Variants in CEP112 observed in about 807,000 individuals in gnomAD.
CEP112 encodes centrosomal protein of 112 kDa.
CEP112 carries 127 observed loss-of-function variants against 153.0 expected under a neutral mutation model. That is an observed-to-expected ratio of 0.83 (90% confidence interval 0.72 to 0.96). The LOEUF is 0.96. Among genes scored for constraint, CEP112 ranks in the 40% least tolerant of loss-of-function variants. The probability of loss-of-function intolerance (pLI) is 0.00; values close to 1 mark genes in which losing one functional copy is unlikely to be tolerated. For synonymous variants in CEP112, 358 were observed against 374.4 expected (o/e 0.96, Z 0.51); for missense variants, 1,089 against 1,101.2 (o/e 0.99, Z 0.16).
At chr17:65,846,303 A>G (rs2057722362) in intron 21 of CEP112, among the ~76,000 whole-genome samples, 1 of 152,252 alleles carries the variant, frequency 6.6e-6, no homozygotes, top group African/African-American at 2.4e-5. Flanking sequence ...GTAAAAACTC[A>G]AATTTTAAAA....
intron 6 of CEP112, among the ~76,000 whole-genome samples, chr17:66,105,047 C>G (rs1119411): frequency 1 from 152,076 of 152,328 alleles, 75,913 homozygotes; most frequent in Middle Eastern, 1. Context: ...GAAGTAGAAA[C>G]ACTAAAAGAT....
At chr17:65,778,940 T>C (rs2053844314) in intron 21 of CEP112, among the ~76,000 whole-genome samples, 1 of 152,000 alleles carries the variant, frequency 6.6e-6, no homozygotes, top group African/African-American at 2.4e-5. Flanking sequence ...GTGGAGCCTA[T>C]AGTGAGCTAT....
At chr17:66,062,427 T>C (rs2066959825) in intron 11 of CEP112, among the ~76,000 whole-genome samples, 1 of 152,138 alleles carries the variant, frequency 6.6e-6, no homozygotes. Context: ...AAAGAACTGA[T>C]AAATGTTTGA....
At chr17:66,058,236 C>G (rs1254113737) in intron 11 of CEP112, among the ~76,000 whole-genome samples, 1 of 152,042 alleles carries the variant, frequency 6.6e-6, no homozygotes, top group Non-Finnish European at 1.5e-5. Flanking sequence ...CTTCAAATAC[C>G]TGACAATTTA....
At chr17:65,957,861 C>G (rs1250651059) in intron 18 of CEP112, among the ~76,000 whole-genome samples, 1 of 152,012 alleles carries the variant, frequency 6.6e-6, no homozygotes, top group Admixed American at 6.5e-5. Flanking sequence ...ACCTACATTT[C>G]CCTAATTTTA....
intron 21 of CEP112, among the ~76,000 whole-genome samples, chr17:65,801,093 T>A (rs2055244302): frequency 6.6e-6 from 1 of 152,212 alleles, no homozygotes; most frequent in African/African-American, 2.4e-5. Context: ...TTCTTTTTTT[T>A]GTCACTCTGT....
intron 21 of CEP112, among the ~76,000 whole-genome samples, chr17:65,803,715 G>A (rs558206031): frequency 3.9e-5 from 6 of 152,210 alleles, no homozygotes; most frequent in South Asian, 4.1e-4. Context: ...GATCATCCAC[G>A]TTAGAAGTTT....
At chr17:66,076,318 C>A (rs1228574785) in intron 8 of CEP112, among the ~76,000 whole-genome samples, 1 of 152,102 alleles carries the variant, frequency 6.6e-6, no homozygotes, top group East Asian at 1.9e-4. Context: ...GGCAAGTTCT[C>A]CAGCCCTGCT....
chr17:65,883,818 C>T (rs956824810), intron 20 of CEP112, among the ~76,000 whole-genome samples: 1 of 152,018 alleles, frequency 6.6e-6, no homozygotes, highest in South Asian at 2.1e-4. Context: ...TACATAGAGG[C>T]CTGGACTAGA....
In CEP112 at chr17:66,183,176, C is replaced by G; in HGVS notation, c.106+18G>C. ...AAAAAATTAATCTTAAGAATCTAAT[C>G]TTCAAACATAATCTTACCTGTCCTA... is the stretch of plus-strand genomic sequence containing the variant. On this transcript the variant is annotated intron_variant, in intron 2 of 26. Coordinates refer to ENST00000535342, the MANE Select transcript of CEP112 (RefSeq NM_001199165.4). The G allele has an allele frequency of 6.7e-7, 1 of 1,481,906 alleles. No homozygotes were observed. Among genetic ancestry groups the G allele is most frequent in the Non-Finnish European group, 9.2e-7 (1 of 1,087,566 alleles). 91.8% of individuals were successfully genotyped at this position (1,481,906 alleles called of 1,614,324 possible). A position where few individuals can be genotyped will look rare whatever the true frequency, so the allele number is the denominator to read the frequency against.
chr17:65,963,677 GT>G (rs1356654366), intron 17 of CEP112, among the ~76,000 whole-genome samples: 9 of 78,354 alleles, frequency 1.1e-4, no homozygotes, highest in African/African-American at 5.0e-4. Flanking sequence ...AGATAGGGGT[GT>G]GTGTGTGTGT....
intron 20 of CEP112, among the ~76,000 whole-genome samples, chr17:65,867,872 C>T (rs16962938): frequency 0.14 from 21,507 of 151,722 alleles, 1,570 homozygotes; most frequent in African/African-American, 0.16. Flanking sequence ...GTGTCTGCAG[C>T]GGCCAACTTA....
chr17:65,983,058 A>G (rs1198273853), intron 17 of CEP112, among the ~76,000 whole-genome samples: 1 of 152,188 alleles, frequency 6.6e-6, no homozygotes, highest in East Asian at 1.9e-4. Context: ...GGAGGATCTG[A>G]CAGAAGGCGG....
chr17:65,670,908 G>T, intron 24 of CEP112, among the ~76,000 whole-genome samples: 1 of 124,822 alleles, frequency 8.0e-6, no homozygotes, highest in African/African-American at 3.0e-5. Flanking sequence ...GGGGGGGCGG[G>T]GCAGACCAAG....
chr17:65,723,929 C>A (rs2050033528), intron 23 of CEP112, among the ~76,000 whole-genome samples: 1 of 152,140 alleles, frequency 6.6e-6, no homozygotes, highest in Admixed American at 6.5e-5. Context: ...ACCACCAAAT[C>A]CTGTTTTATT....
At chr17:66,100,054 T>C (rs889438659) in intron 6 of CEP112, among the ~76,000 whole-genome samples, 4 of 151,714 alleles carry the variant, frequency 2.6e-5, no homozygotes, top group African/African-American at 9.7e-5. Context: ...AGGAGGTGAC[T>C]AGATTCAGGA....
chr17:65,894,734 C>T (rs2059601817), intron 20 of CEP112, among the ~76,000 whole-genome samples: 3 of 152,036 alleles, frequency 2.0e-5, no homozygotes, highest in Non-Finnish European at 4.4e-5. Context: ...TTACTCTGGG[C>T]ACTCCTTCTT....
chr17:65,713,453 T>G lies in CEP112; in HGVS notation c.2608-24235A>C, dbSNP rs78190067. ...TTATTTTAAGAGCTGTACCAAAGTG[T>G]TGTGCTACACATTGGTTCCTAGAAA... is the stretch of plus-strand genomic sequence containing the variant. On this transcript the variant is annotated intron_variant, in intron 23 of 26. Coordinates refer to ENST00000535342, the MANE Select transcript of CEP112 (RefSeq NM_001199165.4). 2.6e-4 allele frequency among the ~76,000 whole-genome samples: 39 copies of G among 152,338 alleles called. No homozygotes were observed. The East Asian group carries it at 5.6e-3, about 22-fold the overall frequency.
chr17:65,687,071 T>C (rs2047834088), intron 24 of CEP112, among the ~76,000 whole-genome samples: 1 of 152,156 alleles, frequency 6.6e-6, no homozygotes, highest in African/African-American at 2.4e-5. Context: ...TACATGGTTA[T>C]TGTGAAAATT....
Sources: gnomAD v4.1 joint callset for allele counts (sites outside exome capture counted in the v4.1 genomes callset) on GRCh38, gnomAD v4.1.1 for gene constraint, MANE v1.5 for transcripts, NCBI Gene and HGNC (gene_info 2026-07-23, HGNC 2026-07-21) for gene names.